Variants in CSMD1 observed in about 807,000 individuals in gnomAD.
CSMD1 encodes CUB and sushi domain-containing protein 1.
CSMD1 carries 213 observed loss-of-function variants against 417.5 expected under a neutral mutation model. The observed-to-expected ratio is 0.51, with a 90% CI of 0.46 to 0.57. CSMD1 has a LOEUF of 0.57. Among genes scored for constraint, CSMD1 ranks in the 20% least tolerant of loss-of-function variants. The probability of loss-of-function intolerance (pLI) is 0.00; values close to 1 mark genes in which losing one functional copy is unlikely to be tolerated. For synonymous variants in CSMD1, 2,862 were observed against 1,736.8 expected (o/e 1.65, Z -16.11); for missense variants, 6,923 against 4,529.7 (o/e 1.53, Z -15.17).
intron 12 of CSMD1, among the ~76,000 whole-genome samples, chr8:3,412,625 A>C (rs1812883755): frequency 6.6e-6 from 1 of 152,222 alleles, no homozygotes; most frequent in Non-Finnish European, 1.5e-5. Flanking sequence ...GTTGAGGTTC[A>C]AGGTACACTG....
intron 3 of CSMD1, among the ~76,000 whole-genome samples, chr8:4,127,805 T>C (rs1390920446): frequency 1.3e-5 from 2 of 152,208 alleles, no homozygotes; most frequent in Non-Finnish European, 2.9e-5. Flanking sequence ...AGATGGTATT[T>C]GTACTATCAT....
intron 12 of CSMD1, among the ~76,000 whole-genome samples, chr8:3,457,012 A>G (rs951593624): frequency 6.6e-6 from 1 of 150,906 alleles, no homozygotes; most frequent in South Asian, 2.1e-4. Flanking sequence ...CTTCCCTTGC[A>G]CATCTCATCC....
chr8:4,383,160 C>T (rs1803215214), intron 3 of CSMD1, among the ~76,000 whole-genome samples: 1 of 152,156 alleles, frequency 6.6e-6, no homozygotes, highest in Admixed American at 6.5e-5. Flanking sequence ...CAAAATTTCT[C>T]ACCTTAGCTC....
intron 7 of CSMD1, among the ~76,000 whole-genome samples, chr8:3,618,425 C>T (rs17066601): frequency 0.023 from 3,557 of 152,016 alleles, 125 homozygotes; most frequent in African/African-American, 0.08. Flanking sequence ...CTATTCCAAA[C>T]GGGTTAAGAT....
chr8:3,979,477 C>T (rs1261518427), intron 5 of CSMD1, among the ~76,000 whole-genome samples: 1 of 152,138 alleles, frequency 6.6e-6, no homozygotes, highest in Non-Finnish European at 1.5e-5. Flanking sequence ...GTGTCTTTGG[C>T]TTAGAATGTT....
intron 3 of CSMD1, among the ~76,000 whole-genome samples, chr8:4,087,641 C>T (rs10097892): frequency 0.03 from 4,564 of 152,188 alleles, 227 homozygotes; most frequent in African/African-American, 0.1. Flanking sequence ...GATACTCTCA[C>T]ATTCTTACTC....
chr8:3,978,817 T>A (rs750018209), intron 5 of CSMD1, among the ~76,000 whole-genome samples: 1 of 152,060 alleles, frequency 6.6e-6, no homozygotes, highest in Non-Finnish European at 1.5e-5. Flanking sequence ...CATCGGTGAT[T>A]TACTGAGGTC....
intron 5 of CSMD1, among the ~76,000 whole-genome samples, chr8:3,768,883 C>G (rs1055757867): frequency 2.6e-5 from 4 of 152,206 alleles, no homozygotes; most frequent in African/African-American, 9.6e-5. Context: ...CATCCTAGAG[C>G]ACCACTTCTT....
At chr8:3,661,373 T>C (rs1040371188) in intron 7 of CSMD1, among the ~76,000 whole-genome samples, 1 of 151,762 alleles carries the variant, frequency 6.6e-6, no homozygotes, top group Admixed American at 6.5e-5. Flanking sequence ...CAGATTTCTG[T>C]ATGTTACTTC....
intron 3 of CSMD1, among the ~76,000 whole-genome samples, chr8:4,190,234 G>A (rs1175857593): frequency 1.0e-4 from 15 of 145,110 alleles, no homozygotes; most frequent in Non-Finnish European, 2.1e-4. Flanking sequence ...CCTCCAGCCT[G>A]GGCAACAAAC....
chr8:3,908,282 T>A (rs1354419684), intron 5 of CSMD1, among the ~76,000 whole-genome samples: 1 of 152,156 alleles, frequency 6.6e-6, no homozygotes, highest in Non-Finnish European at 1.5e-5. Context: ...CAAGAAATCT[T>A]CCCAACATCG....
In CSMD1 at chr8:4,095,196, G is replaced by A. The variant is rs1309716127; in HGVS notation, c.416-63097C>T. Among the ~76,000 whole-genome samples the A allele has an allele frequency of 3.3e-5, 5 of 152,270 alleles. No individual in the cohort carries two copies. In the South Asian group the frequency reaches 6.2e-4, roughly 19 times the overall value. ...CGGATAGCCACAGCGAACACAAACT[G>A]GTTTGGTTACAACGTACTGCCTCTC... is the stretch of plus-strand genomic sequence containing the variant. On this transcript the variant is annotated intron_variant, in intron 3 of 69. Coordinates refer to ENST00000635120, the MANE Select transcript of CSMD1 (RefSeq NM_033225.6).
chr8:4,311,850 A>C (rs980609696), intron 3 of CSMD1, among the ~76,000 whole-genome samples: 3 of 152,060 alleles, frequency 2.0e-5, no homozygotes, highest in Non-Finnish European at 4.4e-5. Flanking sequence ...GGAAAAGATC[A>C]CTGTTAGGTA....
At chr8:3,144,604 T>A (rs978852716) in intron 40 of CSMD1, among the ~76,000 whole-genome samples, 5 of 152,020 alleles carry the variant, frequency 3.3e-5, no homozygotes, top group African/African-American at 4.8e-5. Flanking sequence ...TCGTCTGCTG[T>A]ATATAATCAA....
intron 1 of CSMD1, among the ~76,000 whole-genome samples, chr8:4,986,761 G>A (rs769854364): frequency 6.6e-5 from 10 of 152,042 alleles, no homozygotes; most frequent in African/African-American, 1.2e-4. Flanking sequence ...GATGGATACC[G>A]ATAATAGAGG....
At position 4,598,246 on chromosome 8, in the gene CSMD1, G is replaced by A. The variant is rs535583776; in HGVS notation, c.302+39096C>T. On this transcript the variant is annotated intron_variant, in intron 2 of 69. Transcript: ENST00000635120. ...CTGAGAGCTCTCCAATCTAATTTAT[G>A]CCACACTCACCTTGCTCAAACACAA... Among the ~76,000 whole-genome samples, 27 of 152,248 alleles carry A rather than the reference G, an allele frequency of 1.8e-4. No homozygotes were observed. In the South Asian group the frequency reaches 5.6e-3, roughly 32 times the overall value.
intron 4 of CSMD1, among the ~76,000 whole-genome samples, chr8:4,018,365 G>C (rs555142548): frequency 1.3e-5 from 2 of 152,180 alleles, no homozygotes; most frequent in South Asian, 2.1e-4. Flanking sequence ...ATGCCGAGGA[G>C]CTGCCATCAT....
rs1463489956 is a variant in CSMD1, at chr8:4,748,138, C to T, written c.86-110580G>A. On this transcript the variant is annotated intron_variant, in intron 1 of 69. Transcript: ENST00000635120. Reference sequence around the variant, plus strand: ...AGAACAATGACATGCTACCAACCAACTCACAGAGAAAACCCACAACATGTT... The same window carrying T: ...AGAACAATGACATGCTACCAACCAATTCACAGAGAAAACCCACAACATGTT... Among the ~76,000 whole-genome samples, 3 of 152,180 alleles carry T rather than the reference C, an allele frequency of 2.0e-5. No individual in the cohort carries two copies. In the East Asian group the frequency reaches 5.8e-4, roughly 29 times the overall value.
intron 35 of CSMD1, among the ~76,000 whole-genome samples, 196 bp from the exon 36 acceptor site, chr8:3,188,161 C>A (rs1044431942): frequency 1.4e-5 from 2 of 145,678 alleles, no homozygotes; most frequent in Non-Finnish European, 3.0e-5. Context: ...CTTAATAATG[C>A]CTCCAATGCC....
Sources: allele counts gnomAD v4.1 joint callset (sites outside exome capture counted in the v4.1 genomes callset), GRCh38; gene constraint gnomAD v4.1.1; transcripts MANE v1.5; gene names NCBI Gene and HGNC (gene_info 2026-07-23, HGNC 2026-07-21).